Variants in GMDS observed in about 807,000 individuals in gnomAD.
The protein encoded by GMDS is GDP-mannose 4,6-dehydratase, also known as GDP-mannose 4,6 dehydratase.
Under a neutral mutation model 49.9 loss-of-function variants are expected in GMDS, and 20 were observed. The ratio of observed to expected loss-of-function variants is 0.40; its 90% CI spans 0.28 to 0.58. The LOEUF is 0.58. GMDS is among the 20% of genes least tolerant of loss of function. The pLI, the probability that GMDS is intolerant of heterozygous loss-of-function variation, is 0.42. For missense variants in GMDS, 362 were observed against 481.4 expected, an observed-to-expected ratio of 0.75 and a Z score of 2.32; for synonymous variants, 177 against 178.6, an observed-to-expected ratio of 0.99 and a Z score of 0.07.
At chr6:1,863,971 C>A (rs2113790384) in intron 7 of GMDS, among the ~76,000 whole-genome samples, 1 of 152,026 alleles carries the variant, frequency 6.6e-6, no homozygotes, top group South Asian at 2.1e-4. Context: ...AATAAACCAG[C>A]AAAAAAGTGT....
intron 1 of GMDS, among the ~76,000 whole-genome samples, chr6:2,198,093 G>A (rs234944): frequency 0.7 from 106,014 of 152,132 alleles, 37,332 homozygotes; most frequent in East Asian, 0.82. Context: ...ACGAATGATG[G>A]GAAAGTGTGT....
intron 9 of GMDS, among the ~76,000 whole-genome samples, chr6:1,662,792 C>T (rs895012830): frequency 4.6e-5 from 7 of 152,178 alleles, no homozygotes; most frequent in Non-Finnish European, 1.0e-4. Context: ...CTTACTGCTG[C>T]ATAACATTTT....
chr6:1,793,484 T>A (rs938090428), intron 7 of GMDS, among the ~76,000 whole-genome samples: 1 of 152,222 alleles, frequency 6.6e-6, no homozygotes, highest in African/African-American at 2.4e-5. Context: ...ATCTGACTTA[T>A]GATCTTTAAG....
chr6:1,641,532 C>A (rs1052833131), intron 9 of GMDS, among the ~76,000 whole-genome samples: 1 of 152,222 alleles, frequency 6.6e-6, no homozygotes, highest in Non-Finnish European at 1.5e-5. Context: ...AGGGCCACTG[C>A]GATCTTTATC....
chr6:1,758,718 T>TA (rs1259445377), intron 7 of GMDS, among the ~76,000 whole-genome samples: 7 of 152,282 alleles, frequency 4.6e-5, no homozygotes, highest in Middle Eastern at 3.4e-3. Flanking sequence ...ACTCTGTGTC[T>TA]AGAGCTTGGG....
intron 7 of GMDS, among the ~76,000 whole-genome samples, chr6:1,875,052 A>AT (rs1195408023): frequency 6.6e-6 from 1 of 152,122 alleles, no homozygotes; most frequent in Non-Finnish European, 1.5e-5. Flanking sequence ...GGCTTAGAAT[A>AT]TTTTTTTGTT....
chr6:2,030,504 C>T (rs962584892), intron 4 of GMDS, among the ~76,000 whole-genome samples: 3 of 152,164 alleles, frequency 2.0e-5, no homozygotes, highest in Non-Finnish European at 4.4e-5. Context: ...GCATATAAAA[C>T]CCTTTCTTAT....
chr6:2,117,774 G>A (rs1384646826), intron 2 of GMDS, among the ~76,000 whole-genome samples: 2 of 152,124 alleles, frequency 1.3e-5, no homozygotes, highest in Admixed American at 6.5e-5. Context: ...CTCAACAAAC[G>A]TAATCAGGTA....
At chr6:1,721,542 A>G (rs1766383938) in intron 9 of GMDS, among the ~76,000 whole-genome samples, 1 of 152,126 alleles carries the variant, frequency 6.6e-6, no homozygotes, top group Non-Finnish European at 1.5e-5. Flanking sequence ...AAAATACTTG[A>G]TTTGGGTCTG....
intron 9 of GMDS, among the ~76,000 whole-genome samples, chr6:1,709,457 G>C (rs1765870329): frequency 6.6e-6 from 1 of 152,230 alleles, no homozygotes; most frequent in South Asian, 2.1e-4. Context: ...CATGACAACA[G>C]TGAAGATCAT....
chr6:2,122,764 C>A (rs1775210607), intron 2 of GMDS, among the ~76,000 whole-genome samples: 1 of 152,234 alleles, frequency 6.6e-6, no homozygotes, highest in Non-Finnish European at 1.5e-5. Flanking sequence ...TTCCCCTGGA[C>A]TAGGAAGAGA....
At chr6:2,050,459 G>A (rs938341571) in intron 4 of GMDS, among the ~76,000 whole-genome samples, 2 of 152,196 alleles carry the variant, frequency 1.3e-5, no homozygotes, top group Admixed American at 6.5e-5. Flanking sequence ...ACAAGGAGGA[G>A]CTGGTACCAT....
At chr6:1,822,264 T>G (rs1449482568) in intron 7 of GMDS, among the ~76,000 whole-genome samples, 1 of 152,218 alleles carries the variant, frequency 6.6e-6, no homozygotes, top group African/African-American at 2.4e-5. Flanking sequence ...TGAATGCATT[T>G]GGAAATTCAA....
At chr6:1,648,202 A>G (rs1208631175) in intron 9 of GMDS, among the ~76,000 whole-genome samples, 1 of 152,166 alleles carries the variant, frequency 6.6e-6, no homozygotes, top group Non-Finnish European at 1.5e-5. Flanking sequence ...CTCTCTCCTC[A>G]GGATCTCCTC....
At chr6:2,011,636 G>A (rs534038233) in intron 4 of GMDS, among the ~76,000 whole-genome samples, 8 of 152,102 alleles carry the variant, frequency 5.3e-5, no homozygotes, top group African/African-American at 1.4e-4. Context: ...AATCAGGGCC[G>A]GGTACGGTGA....
intron 4 of GMDS, among the ~76,000 whole-genome samples, chr6:2,034,732 C>G (rs978348108): frequency 6.6e-5 from 10 of 152,140 alleles, no homozygotes; most frequent in African/African-American, 2.2e-4. Context: ...AAACTATTAT[C>G]AAAAAATACA....
In GMDS at chr6:1,966,453, G is replaced by A. The variant is rs188285463; in HGVS notation, c.346-5487C>T. ...ATTTTCTTCAGTGGGCTCCCACATC[G>A]CATATTCTTCCAATTTTCTTTCCAC... On this transcript the variant is annotated intron_variant, in intron 4 of 10. Transcript: ENST00000380815. 3.3e-5 allele frequency among the ~76,000 whole-genome samples: 5 copies of A among 151,268 alleles called. No homozygotes were observed. The East Asian group carries it at 7.8e-4, about 24-fold the overall frequency.
chr6:1,972,187 TA>T (rs1764650058), intron 4 of GMDS, among the ~76,000 whole-genome samples: 1 of 151,656 alleles, frequency 6.6e-6, no homozygotes, highest in Non-Finnish European at 1.5e-5. Flanking sequence ...TATATAATTT[TA>T]AAATAAATTC....
At chr6:1,851,613 G>A (rs1189250021) in intron 7 of GMDS, among the ~76,000 whole-genome samples, 1 of 152,032 alleles carries the variant, frequency 6.6e-6, no homozygotes, top group Non-Finnish European at 1.5e-5. Flanking sequence ...GTGTTTGCGG[G>A]GCTATAAATG....
Sources: allele counts gnomAD v4.1 joint callset (sites outside exome capture counted in the v4.1 genomes callset), GRCh38; gene constraint gnomAD v4.1.1; transcripts MANE v1.5; gene names NCBI Gene and HGNC (gene_info 2026-07-23, HGNC 2026-07-21).